The following MYO18B variants were observed in gnomAD, a reference collection of about 807,000 sequenced individuals.
MYO18B encodes the protein unconventional myosin-XVIIIb.
Under a neutral mutation model 273.0 loss-of-function variants are expected in MYO18B, and 204 were observed. The observed-to-expected ratio is 0.75, with a 90% confidence interval of 0.67 to 0.84. The LOEUF (loss-of-function observed/expected upper bound fraction) is 0.84, where lower values mean the gene tolerates loss of function less well. Among genes scored for constraint, MYO18B ranks in the 40% least tolerant of loss-of-function variants. The probability of loss-of-function intolerance (pLI) is 0.00; values close to 1 mark genes in which losing one functional copy is unlikely to be tolerated. For synonymous variants in MYO18B, 1,330 were observed against 1,305.7 expected (o/e 1.02, Z -0.40); for missense variants, 3,212 against 3,287.6 (o/e 0.98, Z 0.56).
chr22:25,891,202 C>A, intron 26 of MYO18B, 102 bp from the exon 27 acceptor site: 1 of 874,176 alleles, frequency 1.1e-6, no homozygotes, highest in Non-Finnish European at 1.8e-6. Context: ...CAGGGCTGTG[C>A]AGAGGGTGGC....
chr22:26,045,968 A>G, the MYO18B span, among the ~76,000 whole-genome samples: 7 of 152,232 alleles, frequency 4.6e-5, no homozygotes, highest in African/African-American at 1.7e-4. Flanking sequence ...ACTGACAGGC[A>G]TTTCACCTCT....
chr22:25,977,736 A>T (rs1435605640), intron 39 of MYO18B, among the ~76,000 whole-genome samples: 5 of 152,200 alleles, frequency 3.3e-5, no homozygotes, highest in Non-Finnish European at 7.3e-5. Flanking sequence ...AGTTCTAAGA[A>T]TAGGAAAGGG....
chr22:25,905,354 A>T (rs2092020813), intron 31 of MYO18B, among the ~76,000 whole-genome samples: 2 of 152,208 alleles, frequency 1.3e-5, no homozygotes, highest in Non-Finnish European at 2.9e-5. Flanking sequence ...TGTATTTATT[A>T]AGTACCTCCT....
chr22:25,990,905 T>C (rs1015827133), intron 39 of MYO18B, among the ~76,000 whole-genome samples: 3 of 151,900 alleles, frequency 2.0e-5, no homozygotes, highest in African/African-American at 7.3e-5. Context: ...AAATAAACTT[T>C]ACATAATTAG....
At chr22:25,874,549 T>C in intron 23 of MYO18B, 135 bp downstream of exon 23, 2 of 1,099,484 alleles carry the variant, frequency 1.8e-6, no homozygotes, top group Non-Finnish European at 1.3e-6. Context: ...TAAGTGAGGC[T>C]TTGCAAGATG....
At chr22:25,905,626 G>A (rs982914677) in intron 31 of MYO18B, among the ~76,000 whole-genome samples, 1 of 152,192 alleles carries the variant, frequency 6.6e-6, no homozygotes, top group Non-Finnish European at 1.5e-5. Context: ...GCAAAAGCCT[G>A]AAGACAGACA....
intron 42 of MYO18B, among the ~76,000 whole-genome samples, chr22:26,019,598 C>G (rs1378353851): frequency 2.0e-5 from 3 of 152,220 alleles, no homozygotes; most frequent in African/African-American, 7.2e-5. Flanking sequence ...TACAGACTCT[C>G]TGTTGTTATT....
chr22:25,992,094 A>G (rs748340119), intron 39 of MYO18B, among the ~76,000 whole-genome samples: 2 of 152,198 alleles, frequency 1.3e-5, no homozygotes, highest in Non-Finnish European at 2.9e-5. Context: ...CTGGGGTCAG[A>G]TGCATTGGGA....
At chr22:25,905,210 A>G (rs1317205185) in intron 31 of MYO18B, among the ~76,000 whole-genome samples, 2 of 152,136 alleles carry the variant, frequency 1.3e-5, no homozygotes, top group African/African-American at 2.4e-5. Context: ...CTTCTTGCTA[A>G]CCACTGCTCC....
At chr22:25,916,684 C>T (rs570990775) in intron 33 of MYO18B, among the ~76,000 whole-genome samples, 23 of 152,198 alleles carry the variant, frequency 1.5e-4, no homozygotes, top group African/African-American at 2.9e-4. Flanking sequence ...AACATCTTTT[C>T]TTTGAAATTG....
chr22:25,861,568 A>G (rs117376227), intron 21 of MYO18B, among the ~76,000 whole-genome samples: 6,147 of 152,266 alleles, frequency 0.04, 175 homozygotes, highest in East Asian at 0.13. Context: ...TACAGATGGT[A>G]TATAGTTGAA....
At chr22:25,923,143 A>G (rs1285100576) in intron 34 of MYO18B, among the ~76,000 whole-genome samples, 1 of 152,210 alleles carries the variant, frequency 6.6e-6, no homozygotes, top group African/African-American at 2.4e-5. Context: ...TCATGAATAG[A>G]GCGAGTTTAT....
intron 16 of MYO18B, among the ~76,000 whole-genome samples, 186 bp from the exon 17 acceptor site, chr22:25,835,110 G>A (rs1325349024): frequency 6.6e-6 from 1 of 152,240 alleles, no homozygotes; most frequent in Non-Finnish European, 1.5e-5. Context: ...GTTTGCAAAT[G>A]AGAGGTTGCT....
chr22:26,020,784 C>G (rs1935748250), intron 42 of MYO18B, among the ~76,000 whole-genome samples: 1 of 152,072 alleles, frequency 6.6e-6, no homozygotes, highest in Non-Finnish European at 1.5e-5. Flanking sequence ...TGTGCAAGTT[C>G]AGGCTTCAAA....
intron 15 of MYO18B, among the ~76,000 whole-genome samples, chr22:25,830,979 A>G (rs1316322468): frequency 6.6e-6 from 1 of 152,240 alleles, no homozygotes; most frequent in African/African-American, 2.4e-5. Flanking sequence ...TTATCAATGT[A>G]ATACATTTTT....
intron 11 of MYO18B, among the ~76,000 whole-genome samples, chr22:25,794,835 C>T (rs1447650325): frequency 1.3e-5 from 2 of 152,224 alleles, no homozygotes; most frequent in East Asian, 1.9e-4. Context: ...ACATCAGCAA[C>T]TATCTGCCAG....
intron 42 of MYO18B, among the ~76,000 whole-genome samples, chr22:26,010,312 A>G (rs1934795816): frequency 6.6e-6 from 1 of 152,148 alleles, no homozygotes; most frequent in South Asian, 2.1e-4. Context: ...TAAAAGGAAA[A>G]TCTGGTTTCA....
rs1205693862 is a variant in MYO18B, at chr22:25,798,002, C to G, written c.2426C>G (p.Ala809Gly). The G allele has an allele frequency of 6.2e-7, 1 of 1,613,926 alleles. No individual in the cohort carries two copies. The highest frequency in any genetic ancestry group is 1.1e-5 in the South Asian group (1 of 91,080). ...AAAAFAQLQG[A>G]MEMLGISESE... ...GCTGCCTTTGCCCAGCTCCAGGGTG[C>G]CATGGAGATGCTCGGCATCTCAGAG... Residue 809 changes from alanine to glycine, a missense_variant, in exon 12 of 44, where the codon GCC becomes GGC. Coordinates refer to ENST00000335473, the MANE Select transcript of MYO18B (RefSeq NM_032608.7).
intron 39 of MYO18B, among the ~76,000 whole-genome samples, chr22:25,985,655 A>C (rs1191461363): frequency 8.2e-6 from 1 of 122,490 alleles, no homozygotes; most frequent in African/African-American, 3.0e-5. Context: ...TTTGAGATGG[A>C]GTCTCGCTCT....
Sources: gnomAD v4.1 joint callset for allele counts (sites outside exome capture counted in the v4.1 genomes callset) on GRCh38, gnomAD v4.1.1 for gene constraint, MANE v1.5 for transcripts, NCBI Gene and HGNC (gene_info 2026-07-23, HGNC 2026-07-21) for gene names.